FRYL: variants seen among roughly 807,000 people sequenced by gnomAD.
FRYL encodes FRY like transcription coactivator, also known as protein furry homolog-like.
FRYL carries 150 observed loss-of-function variants against 351.2 expected under a neutral mutation model. The observed-to-expected ratio is 0.43, with a 90% CI of 0.37 to 0.49. The LOEUF is 0.49. Ranked by LOEUF, FRYL falls within the 20% of genes least tolerant of loss-of-function variation. The pLI, the probability that FRYL is intolerant of heterozygous loss-of-function variation, is 0.00. For missense variants in FRYL, 3,036 were observed against 3,619.3 expected, an observed-to-expected ratio of 0.84 and a Z score of 4.13; for synonymous variants, 1,153 against 1,257.1, an observed-to-expected ratio of 0.92 and a Z score of 1.75.
rs1736945910 is a variant in FRYL, at chr4:48,567,018, T to G, written c.3169+230A>C. Among the ~76,000 whole-genome samples, 1 of 152,230 alleles carries G rather than the reference T, an allele frequency of 6.6e-6. No individual in the cohort carries two copies. The highest frequency in any genetic ancestry group is 1.5e-5 in the Non-Finnish European group (1 of 68,028). Reference sequence around the variant, plus strand: ...TTCTATTGATTTCTCCAGGTTTTTGTGTCAGTATCCTGATTATTACTGAAA... The same window carrying G: ...TTCTATTGATTTCTCCAGGTTTTTGGGTCAGTATCCTGATTATTACTGAAA... On this transcript the variant is annotated intron_variant, in intron 28 of 63. Transcript: ENST00000358350. The surrounding 1 kb of genome is among the most constrained non-coding windows in gnomAD (Gnocchi z 4.2).
intron 1 of FRYL, among the ~76,000 whole-genome samples, chr4:48,778,123 A>C (rs1289585192): frequency 6.6e-6 from 1 of 152,140 alleles, no homozygotes; most frequent in African/African-American, 2.4e-5. Flanking sequence ...CTTGAACCCA[A>C]AGAATTTGTT....
At chr4:48,707,614 A>T (rs1767507591) in intron 2 of FRYL, among the ~76,000 whole-genome samples, 1 of 152,126 alleles carries the variant, frequency 6.6e-6, no homozygotes, top group Admixed American at 6.6e-5. Context: ...AGAAAAAAAA[A>T]ATCCTGAAAT....
intron 4 of FRYL, among the ~76,000 whole-genome samples, 184 bp from the exon 5 acceptor site, chr4:48,623,363 T>C (rs115488667): frequency 1.4e-4 from 22 of 152,162 alleles, no homozygotes; most frequent in Non-Finnish European, 1.5e-4. Context: ...TTAATTTAAG[T>C]GTGGCTCCAG....
At chr4:48,552,132 C>T (rs1732911922) in intron 36 of FRYL, among the ~76,000 whole-genome samples, 1 of 152,088 alleles carries the variant, frequency 6.6e-6, no homozygotes, top group Non-Finnish European at 1.5e-5. Flanking sequence ...TGAAAATGCA[C>T]ATGCTAAAAT....
At chr4:48,555,166 A>G (rs1733797729) in intron 35 of FRYL, among the ~76,000 whole-genome samples, 1 of 152,296 alleles carries the variant, frequency 6.6e-6, no homozygotes, top group South Asian at 2.1e-4. Flanking sequence ...GAAAATGGCT[A>G]TTCCCCAAAT....
At chr4:48,583,098 C>T (rs1288481445) in intron 19 of FRYL, among the ~76,000 whole-genome samples, 4 of 151,834 alleles carry the variant, frequency 2.6e-5, no homozygotes, top group Non-Finnish European at 4.4e-5. Flanking sequence ...TTAGCACTAT[C>T]GTCACATTTA....
At chr4:48,696,860 CTATCT>C (rs1180381180) in intron 2 of FRYL, among the ~76,000 whole-genome samples, 7 of 147,030 alleles carry the variant, frequency 4.8e-5, no homozygotes, top group Non-Finnish European at 1.0e-4. Context: ...ATCTATCTAT[CTATCT>C]ATCTATCTAT....
chr4:48,527,820 C>T (rs747160144), intron 52 of FRYL, 151 bp downstream of exon 52: 11 of 900,412 alleles, frequency 1.2e-5, no homozygotes, highest in Non-Finnish European at 1.7e-5. Flanking sequence ...GCATGGCTGC[C>T]AGGTGTCACA....
At chr4:48,692,996 T>C (rs945160153) in intron 2 of FRYL, among the ~76,000 whole-genome samples, 4 of 152,234 alleles carry the variant, frequency 2.6e-5, no homozygotes, top group African/African-American at 9.7e-5. Context: ...ACAGAATTGC[T>C]ATTTCAAATG....
chr4:48,684,023 A>G (rs1161754666), intron 3 of FRYL, among the ~76,000 whole-genome samples: 1 of 152,182 alleles, frequency 6.6e-6, no homozygotes. Context: ...GACATGCAAG[A>G]CAACCATTTG....
At chr4:48,646,579 T>TA (rs1275440830) in intron 3 of FRYL, among the ~76,000 whole-genome samples, 1 of 152,188 alleles carries the variant, frequency 6.6e-6, no homozygotes, top group Non-Finnish European at 1.5e-5. Context: ...AAACTTGTCT[T>TA]ATCAATGTGA....
At chr4:48,675,219 G>A (rs746840150) in intron 3 of FRYL, among the ~76,000 whole-genome samples, 3 of 152,220 alleles carry the variant, frequency 2.0e-5, no homozygotes, top group Non-Finnish European at 4.4e-5. Flanking sequence ...CACCTCCTCT[G>A]CCTGGGCTCC....
intron 1 of FRYL, among the ~76,000 whole-genome samples, chr4:48,761,852 T>C (rs1017934949): frequency 1.3e-5 from 2 of 152,352 alleles, no homozygotes; most frequent in South Asian, 4.1e-4. Context: ...GTACATTCTA[T>C]GATGTTCGCA....
intron 1 of FRYL, among the ~76,000 whole-genome samples, chr4:48,737,453 T>C (rs1247475983): frequency 4.6e-5 from 7 of 152,156 alleles, no homozygotes; most frequent in African/African-American, 1.7e-4. Context: ...CAATCTTAAT[T>C]GGCCTATATT....
chr4:48,609,261 A>T (rs1363447511), intron 8 of FRYL, among the ~76,000 whole-genome samples, 194 bp from the exon 9 acceptor site: 6 of 152,162 alleles, frequency 3.9e-5, no homozygotes, highest in African/African-American at 1.2e-4. Flanking sequence ...GTTCTTACAT[A>T]TCCAATCTGT....
At chr4:48,775,332 G>C (rs1775904031) in intron 1 of FRYL, among the ~76,000 whole-genome samples, 1 of 152,214 alleles carries the variant, frequency 6.6e-6, no homozygotes, top group Non-Finnish European at 1.5e-5. Flanking sequence ...CTGCTCAGAG[G>C]AGCTCATAAC....
At chr4:48,757,913 G>A (rs1327101570) in intron 1 of FRYL, among the ~76,000 whole-genome samples, 2 of 152,148 alleles carry the variant, frequency 1.3e-5, no homozygotes, top group Non-Finnish European at 2.9e-5. Flanking sequence ...ACAGAACAGA[G>A]CCCTTAGAAA....
At chr4:48,688,548 A>C (rs940713282) in intron 2 of FRYL, among the ~76,000 whole-genome samples, 2 of 152,126 alleles carry the variant, frequency 1.3e-5, no homozygotes, top group Non-Finnish European at 2.9e-5. Flanking sequence ...TAAAATTATC[A>C]GTGGTTTTAT....
chr4:48,687,833 T>C (rs1451270685), intron 2 of FRYL, among the ~76,000 whole-genome samples: 9 of 152,156 alleles, frequency 5.9e-5, no homozygotes, highest in Admixed American at 2.0e-4. Flanking sequence ...AGAGAAGTTA[T>C]GGTGCCTGGC....
Sources: gnomAD v4.1 joint callset for allele counts (sites outside exome capture counted in the v4.1 genomes callset) on GRCh38, gnomAD v4.1.1 for gene constraint, Gnocchi (gnomAD v3.1) non-coding constraint, MANE v1.5 for transcripts, NCBI Gene and HGNC (gene_info 2026-07-23, HGNC 2026-07-21) for gene names.